NTN1: variants seen among roughly 807,000 people sequenced by gnomAD.
The protein encoded by NTN1 is netrin 1.
NTN1 carries 11 observed loss-of-function variants against 54.2 expected under a neutral mutation model. That is an observed-to-expected ratio of 0.20 (90% CI 0.13 to 0.34). The LOEUF (loss-of-function observed/expected upper bound fraction) is 0.34, where lower values mean the gene tolerates loss of function less well. Ranked by LOEUF, NTN1 falls within the 10% of genes least tolerant of loss-of-function variation. The pLI is 1.00. For missense variants in NTN1, 740 were observed against 893.1 expected, an observed-to-expected ratio of 0.83 and a Z score of 2.18; for synonymous variants, 371 against 382.0, an observed-to-expected ratio of 0.97 and a Z score of 0.33.
At position 9,055,722 on chromosome 17, in the gene NTN1, TTTAA is replaced by T. The variant is rs2091977123; in HGVS notation, c.1018+32334_1018+32337del. On this transcript the variant is annotated intron_variant, in intron 2 of 6. Coordinates refer to ENST00000173229, the MANE Select transcript of NTN1 (RefSeq NM_004822.3). ...TTGATGGGAAGGCAGACATCTTTTTTTTAATTTTTATTTTTTTGAGACAGGGTCT... is the reference window on the plus strand; with the variant it reads ...TTGATGGGAAGGCAGACATCTTTTTTTTTTTATTTTTTTGAGACAGGGTCT... Among the ~76,000 whole-genome samples, 7 of 152,146 alleles carry T rather than the reference TTTAA, an allele frequency of 4.6e-5. No individual in the cohort carries two copies. In the South Asian group the frequency reaches 1.2e-3, roughly 27 times the overall value.
upstream of NTN1, among the ~76,000 whole-genome samples, chr17:9,020,830 C>T (rs2091843642): frequency 2.6e-5 from 4 of 152,240 alleles, no homozygotes. Flanking sequence ...CTCCTGCCCA[C>T]CACTGCTCCC....
chr17:9,171,213 C>G (rs1355250008), intron 3 of NTN1: 3 of 152,320 alleles, frequency 2.0e-5, no homozygotes, highest in Non-Finnish European at 2.9e-5. Flanking sequence ...TCCTCCCTCC[C>G]TTGTTAACAC....
chr17:9,104,585 T>C (rs926726182), intron 2 of NTN1, among the ~76,000 whole-genome samples: 1 of 152,010 alleles, frequency 6.6e-6, no homozygotes, highest in African/African-American at 2.4e-5. Flanking sequence ...GAGGTAGCAA[T>C]AGGGTCAGCC....
chr17:9,192,932 T>C lies in NTN1; in HGVS notation c.1411+9963T>C, dbSNP rs193117008. Among the ~76,000 whole-genome samples the C allele has an allele frequency of 2.6e-5, 4 of 152,040 alleles. 1 individual carries two copies. In the East Asian group the frequency reaches 7.7e-4, roughly 29 times the overall value. On this transcript the variant is annotated intron_variant, in intron 5 of 6. Coordinates refer to ENST00000173229, the MANE Select transcript of NTN1 (RefSeq NM_004822.3). The stretch of plus-strand genomic sequence containing the variant: ...CCCGTCTCTACTAAAAATAAAAAAT[T>C]AGCTGGGCATGGTGGCACGCGCCTG...
At chr17:9,180,359 C>T (rs2092415133) in intron 4 of NTN1, among the ~76,000 whole-genome samples, 1 of 152,226 alleles carries the variant, frequency 6.6e-6, no homozygotes, top group African/African-American at 2.4e-5. Flanking sequence ...GTTCTGTCTT[C>T]AATGTGCATT....
chr17:9,004,421 T>G, the NTN1 span, among the ~76,000 whole-genome samples: 1 of 152,234 alleles, frequency 6.6e-6, no homozygotes, highest in African/African-American at 2.4e-5. Flanking sequence ...TCGCCACCCC[T>G]GTTGGGACCC....
chr17:9,041,116 T>A (rs903983131), intron 2 of NTN1, among the ~76,000 whole-genome samples: 5 of 152,184 alleles, frequency 3.3e-5, no homozygotes, highest in African/African-American at 1.2e-4. Context: ...ATATGTAGAA[T>A]GTTAATCCTT....
rs138339599 is a variant in NTN1 at position 9,049,972 on chromosome 17, C to T, written c.1018+26581C>T. On this transcript the variant is annotated intron_variant, in intron 2 of 6. Coordinates refer to ENST00000173229, the MANE Select transcript of NTN1 (RefSeq NM_004822.3). ...TAAAAAATAATAAATGTCGGCCAGGCGCAGTGGCTCACGCCTGTAATCCCA... is the reference window on the plus strand; with the variant it reads ...TAAAAAATAATAAATGTCGGCCAGGTGCAGTGGCTCACGCCTGTAATCCCA... 1.6e-4 allele frequency among the ~76,000 whole-genome samples: 24 copies of T among 152,298 alleles called. No homozygotes were observed. The East Asian group carries it at 4.1e-3, about 26-fold the overall frequency.
chr17:9,237,579 CT>C (rs1906032776), intron 6 of NTN1, among the ~76,000 whole-genome samples: 2 of 152,156 alleles, frequency 1.3e-5, no homozygotes, highest in African/African-American at 4.8e-5. Context: ...AGGGTGCCTT[CT>C]GCAGCATCCT....
At chr17:9,064,204 GTCCATGCTCTA>G (rs1256156388) in intron 2 of NTN1, among the ~76,000 whole-genome samples, 2 of 152,082 alleles carry the variant, frequency 1.3e-5, no homozygotes, top group East Asian at 3.9e-4. Context: ...TCATTCATCG[GTCCATGCTCTA>G]TCCATGCTTC....
chr17:9,215,422 T>TCAC (rs1905198825), intron 5 of NTN1, among the ~76,000 whole-genome samples: 1 of 152,230 alleles, frequency 6.6e-6, no homozygotes, highest in African/African-American at 2.4e-5. Flanking sequence ...TCAGTTTTCA[T>TCAC]CACCAGTAAG....
At chr17:9,054,398 A>C (rs116899331) in intron 2 of NTN1, among the ~76,000 whole-genome samples, 2,428 of 152,280 alleles carry the variant, frequency 0.016, 24 homozygotes, top group Non-Finnish European at 0.024. Flanking sequence ...CTCACGGGGA[A>C]ATTGGCTTCC....
rs1295205252 is a variant in NTN1, at chr17:9,240,166, G to GGAGCCGCGTGCAC, written c.*200_*212dup. On this transcript the variant is annotated 3_prime_UTR_variant, in exon 7 of 7. Transcript: ENST00000173229. ...ACCCCCACCCTGCGCGCTCTGGGCG[G>GGAGCCGCGTGCAC]GAGCCGCGTGCACGCGGGGCGGGGT... 6.9e-4 allele frequency: 145 copies of GGAGCCGCGTGCAC among 208,798 alleles called. 3 individuals are homozygous for GGAGCCGCGTGCAC. Among genetic ancestry groups the GGAGCCGCGTGCAC allele is most frequent in the African/African-American group, 3.0e-3 (129 of 42,634 alleles). The allele number at this position is 208,798 out of a possible 1,614,324, so 12.9% of individuals were successfully genotyped here.
intron 2 of NTN1, among the ~76,000 whole-genome samples, chr17:9,038,146 G>C (rs1398063075): frequency 1.3e-5 from 2 of 152,060 alleles, no homozygotes; most frequent in Non-Finnish European, 2.9e-5. Flanking sequence ...TATCACTTCT[G>C]TGAGGCTTAC....
chr17:9,016,311 T>A, the NTN1 span, among the ~76,000 whole-genome samples: 1 of 152,042 alleles, frequency 6.6e-6, no homozygotes, highest in East Asian at 1.9e-4. Flanking sequence ...CGTGGCCGTC[T>A]CGTCTCTAAT....
intron 3 of NTN1, among the ~76,000 whole-genome samples, chr17:9,178,460 T>TC (rs2092407850): frequency 6.6e-6 from 1 of 152,144 alleles, no homozygotes; most frequent in Admixed American, 6.5e-5. Context: ...CCTCCCTCCC[T>TC]CCTCTTCCTA....
intron 2 of NTN1, among the ~76,000 whole-genome samples, chr17:9,059,487 A>T (rs1255461578): frequency 6.6e-6 from 1 of 152,228 alleles, no homozygotes; most frequent in East Asian, 1.9e-4. Flanking sequence ...ACTCAGCCAG[A>T]AAAGGGAATG....
chr17:9,162,046 G>A (rs1158388182), intron 2 of NTN1, among the ~76,000 whole-genome samples: 2 of 152,196 alleles, frequency 1.3e-5, no homozygotes, highest in Non-Finnish European at 2.9e-5. Flanking sequence ...TGAGTCCTGA[G>A]CAATGCTCAT....
At chr17:9,074,106 G>A (rs538585751) in intron 2 of NTN1, among the ~76,000 whole-genome samples, 15 of 152,314 alleles carry the variant, frequency 9.8e-5, no homozygotes, top group Non-Finnish European at 1.8e-4. Flanking sequence ...GTCTTTTGGC[G>A]CCAAGAGGGC....
Sources: allele counts gnomAD v4.1 joint callset (sites outside exome capture counted in the v4.1 genomes callset), GRCh38; gene constraint gnomAD v4.1.1; transcripts MANE v1.5; gene names NCBI Gene and HGNC (gene_info 2026-07-23, HGNC 2026-07-21).